Variants in PLVAP observed in about 807,000 individuals in gnomAD.
PLVAP encodes plasmalemma vesicle associated protein.
In PLVAP, 34 loss-of-function variants were observed where a neutral mutation model predicts 43.1. The ratio of observed to expected loss-of-function variants is 0.79; its 90% confidence interval spans 0.60 to 1.05. The LOEUF (loss-of-function observed/expected upper bound fraction) is 1.05, where lower values mean the gene tolerates loss of function less well. Among genes scored for constraint, PLVAP ranks in the 50% least tolerant of loss-of-function variants. The pLI, the probability that PLVAP is intolerant of heterozygous loss-of-function variation, is 0.00. For missense variants in PLVAP, 574 were observed against 593.4 expected (o/e 0.97, Z 0.34); for synonymous variants, 241 against 237.3 (o/e 1.02, Z -0.14).
intron 5 of PLVAP, among the ~76,000 whole-genome samples, chr19:17,359,693 C>CTTTTTTT (rs10617408): frequency 0.084 from 9,698 of 115,558 alleles, 1,037 homozygotes; most frequent in East Asian, 0.26. Context: ...TACCCGGCCT[C>CTTTTTTT]TTTTTTTTTT....
At position 17,365,893 on chromosome 19, in the gene PLVAP, C is replaced by T. The variant is rs994260140; in HGVS notation, c.572G>A (p.Arg191His). Residue 191 changes from arginine (R) to histidine (H), a missense_variant, in exon 3 of 6, where the codon CGC becomes CAC. Arg to His is a conservative substitution (Grantham distance 29). Transcript: ENST00000252590. ...TTCAACCAGCTGTTCCTCCGCCACG[C>T]GTTTGTTCAGCAGCACGCTTTCCTT... ...KDKESVLLNK[R>H]VAEEQLVECV... 1.5e-5 allele frequency: 24 copies of T among 1,613,986 alleles called. No homozygotes were observed. The highest frequency in any genetic ancestry group is 2.2e-5 in the East Asian group (1 of 44,884).
chr19:17,365,841 G>A lies in PLVAP; in HGVS notation c.624C>T (p.His208=), dbSNP rs766174780. The change falls in exon 3 of 6, where the codon CAC becomes CAT. Residue 208 remains histidine (H), a synonymous_variant. Coordinates refer to ENST00000252590, the MANE Select transcript of PLVAP (RefSeq NM_031310.3). ...VECVKTRELQ[H]QERQLAKEQL... is the part of the protein sequence containing the mutation. ...GCTCCTTGGCCAGCTGGCGCTCTTG[G>A]TGCTGCAGCTCCCGGGTTTTCACGC... is the stretch of plus-strand genomic sequence containing the variant. The A allele has an allele frequency of 1.9e-6, 3 of 1,614,136 alleles. No homozygotes were observed. The highest frequency in any genetic ancestry group is 1.7e-6 in the Non-Finnish European group (2 of 1,180,038).
chr19:17,367,286 C>T (rs560113186), intron 1 of PLVAP, among the ~76,000 whole-genome samples: 2 of 152,082 alleles, frequency 1.3e-5, no homozygotes, highest in South Asian at 2.1e-4. Flanking sequence ...GTGATCATAG[C>T]TCACTGCAGA....
chr19:17,374,414 G>A (rs1444106115), intron 1 of PLVAP, among the ~76,000 whole-genome samples: 4 of 151,958 alleles, frequency 2.6e-5, no homozygotes, highest in South Asian at 4.2e-4. Flanking sequence ...GCAGTGAGCC[G>A]AGACTGCGCC....
intron 5 of PLVAP, among the ~76,000 whole-genome samples, chr19:17,356,081 G>C (rs1005722806): frequency 6.6e-6 from 1 of 152,122 alleles, no homozygotes; most frequent in Non-Finnish European, 1.5e-5. Context: ...GGCCAAGGCG[G>C]GCGGACTGCC....
Position 17,377,237 on chromosome 19 carries a change from A to G in PLVAP, c.52T>C (p.Ser18Pro). Residue 18 changes from serine to proline, a missense_variant, in exon 1 of 6, where the codon TCT becomes CCT. Transcript: ENST00000252590. Reference sequence around the variant, plus strand: ...CGCAGGTAATACCAGCAGCCCCGAGAGCTGCCCCCCGCCCGAGCGTAGGAC... The same window carrying G: ...CGCAGGTAATACCAGCAGCCCCGAGGGCTGCCCCCCGCCCGAGCGTAGGAC... ...GGSYARAGGS[S>P]RGCWYYLRYF... The G allele has an allele frequency of 6.2e-7, 1 of 1,614,032 alleles. No homozygotes were observed. The highest frequency in any genetic ancestry group is 8.5e-7 in the Non-Finnish European group (1 of 1,179,964).
At chr19:17,367,928 C>T (rs1346113535) in intron 1 of PLVAP, among the ~76,000 whole-genome samples, 2 of 151,690 alleles carry the variant, frequency 1.3e-5, no homozygotes, top group South Asian at 2.1e-4. Context: ...CACAGAGTCT[C>T]GCTCTATCAC....
chr19:17,353,797 T>A (rs565792188), intron 5 of PLVAP, among the ~76,000 whole-genome samples: 2 of 152,280 alleles, frequency 1.3e-5, no homozygotes, highest in Non-Finnish European at 2.9e-5. Context: ...TTATTATCCA[T>A]CTCTCCCACT....
In PLVAP at chr19:17,355,579, A is replaced by G. The variant is rs375101758; in HGVS notation, c.1323-3211T>C. 5.2e-3 allele frequency among the ~76,000 whole-genome samples: 765 copies of G among 146,330 alleles called. 6 individuals are homozygous for G. The highest frequency in any genetic ancestry group is 0.018 in the South Asian group (84 of 4,652). On this transcript the variant is annotated intron_variant, in intron 5 of 5. Coordinates refer to ENST00000252590, the MANE Select transcript of PLVAP (RefSeq NM_031310.3). ...TGTCTCGCTCTGTAGCCCAGGCTGGAGTGCAGTGGTGCAATCTCAGCTCAC... is the reference window on the plus strand; with the variant it reads ...TGTCTCGCTCTGTAGCCCAGGCTGGGGTGCAGTGGTGCAATCTCAGCTCAC...
intron 1 of PLVAP, among the ~76,000 whole-genome samples, chr19:17,375,865 A>T (rs191802988): frequency 1.6e-4 from 22 of 141,662 alleles, no homozygotes; most frequent in African/African-American, 5.7e-4. Flanking sequence ...TGGGTGACAG[A>T]GCGAGACTCC....
At chr19:17,373,629 C>G (rs562926597) in intron 1 of PLVAP, among the ~76,000 whole-genome samples, 2 of 152,194 alleles carry the variant, frequency 1.3e-5, no homozygotes, top group African/African-American at 2.4e-5. Flanking sequence ...GAGCCCCACA[C>G]CTGCTCCCCA....
intron 1 of PLVAP, among the ~76,000 whole-genome samples, chr19:17,366,678 C>G (rs1267497131): frequency 1.3e-5 from 2 of 149,648 alleles, no homozygotes; most frequent in Non-Finnish European, 2.9e-5. Context: ...GTTGCCCAGG[C>G]TGGAGTGCAG....
chr19:17,368,023 G>C (rs894538893), intron 1 of PLVAP, among the ~76,000 whole-genome samples: 3 of 139,258 alleles, frequency 2.2e-5, no homozygotes, highest in Non-Finnish European at 4.6e-5. Context: ...TCAGCCTCCC[G>C]AGTAGTTGGG....
chr19:17,365,241 G>A (rs375725191), intron 3 of PLVAP, 45 bp downstream of exon 3: 2 of 1,541,482 alleles, frequency 1.3e-6, no homozygotes, highest in Non-Finnish European at 1.8e-6. Context: ...CTTGGCATCT[G>A]GACCTAACTC....
rs1028750051 is a variant in PLVAP at position 17,365,653 on chromosome 19, G to A, written c.812C>T (p.Ala271Val). The A allele has an allele frequency of 6.2e-7, 1 of 1,613,670 alleles. No homozygotes were observed. Among genetic ancestry groups the A allele is most frequent in the Non-Finnish European group, 8.5e-7 (1 of 1,180,020 alleles). The change falls in exon 3 of 6, where the codon GCC becomes GTC. Residue 271 changes from alanine to valine, a missense_variant. Ala to Val is a moderately conservative substitution (Grantham distance 64). Coordinates refer to ENST00000252590, the MANE Select transcript of PLVAP (RefSeq NM_031310.3). Reference sequence around the variant, plus strand: ...CATGAGGCTGGGCATGTGGTCGCAGGCTCTGCGGATGGAGGCCAATTCCGA... The same window carrying A: ...CATGAGGCTGGGCATGTGGTCGCAGACTCTGCGGATGGAGGCCAATTCCGA... ...LGSELASIRR[A>V]CDHMPSLMSS...
intron 1 of PLVAP, 112 bp from the exon 2 acceptor site, chr19:17,366,307 G>T (rs1431436201): frequency 5.3e-6 from 5 of 942,822 alleles, no homozygotes; most frequent in Non-Finnish European, 8.4e-6. Flanking sequence ...GTTCACAAGG[G>T]CATGGTCCCT....
intron 1 of PLVAP, among the ~76,000 whole-genome samples, chr19:17,369,726 C>T (rs908079194): frequency 1.4e-4 from 21 of 150,768 alleles, no homozygotes; most frequent in African/African-American, 4.6e-4. Context: ...ATCGGCTGGG[C>T]GCGGTGGCTC....
At chr19:17,357,352 TG>T (rs2074510662) in intron 5 of PLVAP, among the ~76,000 whole-genome samples, 1 of 151,172 alleles carries the variant, frequency 6.6e-6, no homozygotes, top group Admixed American at 6.6e-5. Context: ...ATGAGGTGGG[TG>T]ATTTAATGCT....
At chr19:17,371,246 C>T (rs867382921) in intron 1 of PLVAP, among the ~76,000 whole-genome samples, 2 of 151,386 alleles carry the variant, frequency 1.3e-5, no homozygotes, top group South Asian at 2.1e-4. Flanking sequence ...ACTGCAACCT[C>T]TACTTCCTGG....
Sources: gnomAD v4.1 joint callset for allele counts (sites outside exome capture counted in the v4.1 genomes callset) on GRCh38, gnomAD v4.1.1 for gene constraint, MANE v1.5 for transcripts, NCBI Gene and HGNC (gene_info 2026-07-23, HGNC 2026-07-21) for gene names.